EML6: variants seen among roughly 807,000 people sequenced by gnomAD.
The protein encoded by EML6 is echinoderm microtubule-associated protein-like 6.
In EML6, 154 loss-of-function variants were observed where a neutral mutation model predicts 240.1. The observed-to-expected ratio is 0.64, with a 90% CI of 0.56 to 0.73. The LOEUF is 0.73. Ranked by LOEUF, EML6 falls within the 30% of genes least tolerant of loss-of-function variation. EML6 has a pLI of 0.00. For synonymous variants in EML6, 1,148 were observed against 899.0 expected, an observed-to-expected ratio of 1.28 and a Z score of -4.95; for missense variants, 2,964 against 2,474.6, an observed-to-expected ratio of 1.20 and a Z score of -4.20.
chr2:54,793,604 C>G (rs533736899), intron 2 of EML6, among the ~76,000 whole-genome samples: 1 of 152,156 alleles, frequency 6.6e-6, no homozygotes. Context: ...CTGCCAGTTG[C>G]CTACCAAATA....
Position 54,950,650 on chromosome 2 carries a change from G to C in EML6, c.4084G>C (p.Glu1362Gln), listed in dbSNP as rs1188468005. The C allele has an allele frequency of 6.4e-7, 1 of 1,551,510 alleles. No homozygotes were observed. The highest frequency in any genetic ancestry group is 1.4e-5 in the African/African-American group (1 of 73,054). ...NITKKKKLVE[E>Q]LALDHVFGYR... ...CATTGATCTGTGTGTGTGAATGCAGGAGCTGGCTCTAGACCACGTGTTTGG... is the reference window on the plus strand; with the variant it reads ...CATTGATCTGTGTGTGTGAATGCAGCAGCTGGCTCTAGACCACGTGTTTGG... Residue 1362 changes from glutamate (E) to glutamine (Q), a missense_variant and splice_region_variant, in exon 30 of 42, where the codon GAG (glutamate) becomes CAG (glutamine). Physicochemically the swap from Glu to Gln is conservative, Grantham distance 29. Transcript: ENST00000356458.
At chr2:54,848,524 TACACAC>T (rs59587579) in intron 9 of EML6, among the ~76,000 whole-genome samples, 3 of 145,742 alleles carry the variant, frequency 2.1e-5, no homozygotes, top group African/African-American at 5.1e-5. Context: ...GCTTCCACAC[TACACAC>T]ACACACACAC....
intron 11 of EML6, 47 bp downstream of exon 11, chr2:54,853,902 T>G: frequency 7.8e-7 from 1 of 1,276,248 alleles, no homozygotes; most frequent in Non-Finnish European, 1.1e-6. Flanking sequence ...TACTCTAAAC[T>G]GTATACAGTA....
chr2:54,885,050 G>A (rs915817623), intron 17 of EML6, among the ~76,000 whole-genome samples: 2 of 152,110 alleles, frequency 1.3e-5, no homozygotes, highest in Non-Finnish European at 2.9e-5. Context: ...CCAGCTGCTT[G>A]GGAGGCTGAG....
At chr2:54,934,392 G>T (rs760900572) in intron 28 of EML6, among the ~76,000 whole-genome samples, 3 of 151,996 alleles carry the variant, frequency 2.0e-5, no homozygotes, top group African/African-American at 7.3e-5. Context: ...CCACAGGCAC[G>T]CATAAGCTGT....
At chr2:54,864,721 C>G (rs1439920574) in intron 13 of EML6, among the ~76,000 whole-genome samples, 1 of 152,160 alleles carries the variant, frequency 6.6e-6, no homozygotes, top group African/African-American at 2.4e-5. Context: ...AGTAACTTGC[C>G]CATGTCCACG....
intron 7 of EML6, 79 bp from the exon 8 acceptor site, chr2:54,843,967 TG>T (rs1669610133): frequency 1.4e-5 from 6 of 441,380 alleles, no homozygotes; most frequent in African/African-American, 2.8e-5. Context: ...TAGGGTTTTG[TG>T]TGTGTGTGTG....
intron 9 of EML6, among the ~76,000 whole-genome samples, chr2:54,848,524 T>TACACAC (rs59587579): frequency 0.047 from 6,846 of 145,798 alleles, 514 homozygotes; most frequent in African/African-American, 0.15. Flanking sequence ...GCTTCCACAC[T>TACACAC]ACACACACAC....
intron 2 of EML6, among the ~76,000 whole-genome samples, chr2:54,781,466 A>G (rs1285608680): frequency 6.6e-6 from 1 of 152,198 alleles, no homozygotes; most frequent in Non-Finnish European, 1.5e-5. Flanking sequence ...CTAAATTATG[A>G]CACTTGCCCA....
chr2:54,854,349 G>T (rs114719642), intron 11 of EML6, among the ~76,000 whole-genome samples: 13 of 152,100 alleles, frequency 8.5e-5, no homozygotes, highest in African/African-American at 3.1e-4. Flanking sequence ...TGAAATTTTT[G>T]AGAGAAGTTT....
intron 5 of EML6, among the ~76,000 whole-genome samples, chr2:54,825,045 A>T (rs941796683): frequency 3.3e-5 from 5 of 152,234 alleles, no homozygotes; most frequent in Non-Finnish European, 5.9e-5. Flanking sequence ...GCCTTATACC[A>T]TCTGACCTGG....
chr2:54,894,996 A>G lies in EML6; in HGVS notation c.2824A>G (p.Lys942Glu). The stretch of plus-strand genomic sequence containing the variant: ...AAGATGTTTGAAGACTTATGCCATT[A>G]AAAGATCAGCATTGTCGACTAGCTC... ...FERCLKTYAI[K>E]RSALSTSSKG... Residue 942 changes from lysine (K) to glutamate (E), a missense_variant, in exon 20 of 42, where the codon AAA (lysine) becomes GAA (glutamate). Physicochemically the swap from Lys to Glu is moderately conservative, Grantham distance 56. Coordinates refer to ENST00000356458, the MANE Select transcript of EML6 (RefSeq NM_001039753.4). 6.4e-7 allele frequency: 1 copy of G among 1,551,516 alleles called. No individual in the cohort carries two copies. Among genetic ancestry groups the G allele is most frequent in the Non-Finnish European group, 8.7e-7 (1 of 1,146,714 alleles).
chr2:54,962,428 T>G (rs1676561662), intron 35 of EML6, 95 bp from the exon 36 acceptor site: 2 of 972,174 alleles, frequency 2.1e-6, no homozygotes, highest in Non-Finnish European at 3.0e-6. Context: ...ATCATTCTAC[T>G]TTCTGTCTCC....
chr2:54,886,190 G>A (rs1161350111), intron 17 of EML6, among the ~76,000 whole-genome samples: 2 of 118,298 alleles, frequency 1.7e-5, no homozygotes, highest in Admixed American at 1.1e-4. Flanking sequence ...TCTTGAGATG[G>A]TGTCTTGCTG....
At chr2:54,969,580 A>G (rs183453953) in intron 41 of EML6, among the ~76,000 whole-genome samples, 78 of 152,352 alleles carry the variant, frequency 5.1e-4, no homozygotes, top group African/African-American at 1.6e-3. Flanking sequence ...TGAACAAGCT[A>G]GGAGTAAAAG....
At chr2:54,784,084 C>T (rs1281063626) in intron 2 of EML6, among the ~76,000 whole-genome samples, 34 of 151,984 alleles carry the variant, frequency 2.2e-4, no homozygotes, top group Non-Finnish European at 2.9e-5. Flanking sequence ...GTAGCTAGGA[C>T]TACAGGCATG....
intron 2 of EML6, among the ~76,000 whole-genome samples, chr2:54,778,900 A>AAAAAAAAAAAG (rs1254448912): frequency 6.7e-6 from 1 of 149,816 alleles, no homozygotes; most frequent in African/African-American, 2.5e-5. Flanking sequence ...TCAAAAAAAA[A>AAAAAAAAAAAG]AAAGAAAGAA....
intron 26 of EML6, among the ~76,000 whole-genome samples, chr2:54,917,747 C>G (rs1224350609): frequency 6.6e-6 from 1 of 152,212 alleles, no homozygotes; most frequent in Non-Finnish European, 1.5e-5. Flanking sequence ...AGTAAGATCA[C>G]ATTTGACTCC....
rs1385223473 is a variant in EML6 at position 54,774,455 on chromosome 2, C to G, written c.198-38777C>G. On this transcript the variant is annotated intron_variant, in intron 2 of 41. Transcript: ENST00000356458. The surrounding 1 kb of genome is among the most constrained non-coding windows in gnomAD (Gnocchi z 4.1). ...CCTGAAGAGCCTGACAGACAGAGGCCTTCTGGCCAACAGCACTACCAGCAA... is the reference window on the plus strand; with the variant it reads ...CCTGAAGAGCCTGACAGACAGAGGCGTTCTGGCCAACAGCACTACCAGCAA... 6.6e-6 allele frequency among the ~76,000 whole-genome samples: 1 copy of G among 152,170 alleles called. No individual in the cohort carries two copies. Among genetic ancestry groups the G allele is most frequent in the Non-Finnish European group, 1.5e-5 (1 of 68,016 alleles).
Sources: allele counts gnomAD v4.1 joint callset (sites outside exome capture counted in the v4.1 genomes callset), GRCh38; gene constraint gnomAD v4.1.1; non-coding constraint Gnocchi (gnomAD v3.1); transcripts MANE v1.5; gene names NCBI Gene and HGNC (gene_info 2026-07-23, HGNC 2026-07-21).